The following EBF1 variants were observed in gnomAD, a reference collection of about 807,000 sequenced individuals.
The protein encoded by EBF1 is EBF transcription factor 1.
EBF1 carries 10 observed loss-of-function variants against 68.4 expected under a neutral mutation model. The observed-to-expected ratio is 0.15, with a 90% CI of 0.09 to 0.25. The LOEUF (loss-of-function observed/expected upper bound fraction) is 0.25, where lower values mean the gene tolerates loss of function less well. Among genes scored for constraint, EBF1 ranks in the 10% least tolerant of loss-of-function variants. The pLI is 1.00. For missense variants in EBF1, 509 were observed against 794.4 expected (o/e 0.64, Z 4.32); for synonymous variants, 298 against 299.8 (o/e 0.99, Z 0.06).
At chr5:158,992,059 CG>C (rs1760438225) in intron 6 of EBF1, among the ~76,000 whole-genome samples, 1 of 152,138 alleles carries the variant, frequency 6.6e-6, no homozygotes, top group South Asian at 2.1e-4. Flanking sequence ...GCTCACCACA[CG>C]GGGCTAAGAG....
intron 6 of EBF1, among the ~76,000 whole-genome samples, chr5:158,943,274 A>G (rs1813871129): frequency 6.6e-6 from 1 of 152,056 alleles, no homozygotes; most frequent in African/African-American, 2.4e-5. Context: ...TAACTTCCAG[A>G]GTCTAAAAGT....
Position 158,696,230 on chromosome 5 carries a change from A to AT in EBF1, c.*2880dup. 1 of 218,860 alleles carries AT rather than the reference A, an allele frequency of 4.6e-6. No individual in the cohort carries two copies. Among genetic ancestry groups the AT allele is most frequent in the Middle Eastern group, 1.4e-3 (1 of 704 alleles). The allele number at this position is 218,860 out of a possible 1,614,324, so 13.6% of individuals were successfully genotyped here. On this transcript the variant is annotated 3_prime_UTR_variant, in exon 16 of 16. Coordinates refer to ENST00000313708, the MANE Select transcript of EBF1 (RefSeq NM_024007.5). ...AAATCTTAATTTAATTCTTCATTTC[A>AT]TTTTCTTCTTAAAGCCATATTCTGT...
chr5:158,759,995 T>C lies in EBF1; in HGVS notation c.1036+17418A>G, dbSNP rs117794451. Among the ~76,000 whole-genome samples the C allele has an allele frequency of 9.8e-4, 149 of 152,236 alleles. 1 individual carries two copies. The East Asian group carries it at 0.02, about 21-fold the overall frequency. On this transcript the variant is annotated intron_variant, in intron 10 of 15. Transcript: ENST00000313708. The stretch of plus-strand genomic sequence containing the variant: ...TACTACTTGTAAGATCATCTTAAAG[T>C]CTGAAAAGAACCTAGAATTCTTCGG...
chr5:158,808,642 A>G (rs1325922284), intron 8 of EBF1, among the ~76,000 whole-genome samples: 1 of 152,092 alleles, frequency 6.6e-6, no homozygotes, highest in Non-Finnish European at 1.5e-5. Flanking sequence ...ACCTCATAGG[A>G]TTGTTGTAAG....
chr5:159,028,136 A>G (rs745466772), intron 6 of EBF1, among the ~76,000 whole-genome samples: 4 of 152,188 alleles, frequency 2.6e-5, no homozygotes, highest in Non-Finnish European at 4.4e-5. Flanking sequence ...TAGATGAAAG[A>G]GCATCCTCCT....
chr5:158,947,385 G>A (rs1814990394), intron 6 of EBF1, among the ~76,000 whole-genome samples: 1 of 152,188 alleles, frequency 6.6e-6, no homozygotes, highest in Non-Finnish European at 1.5e-5. Context: ...CATAGTATCT[G>A]GGCCAGATAG....
chr5:159,034,923 T>G (rs1433135839), intron 6 of EBF1, among the ~76,000 whole-genome samples: 2 of 152,144 alleles, frequency 1.3e-5, no homozygotes, highest in African/African-American at 2.4e-5. Context: ...CCCCTCATGT[T>G]GAGAAACAAA....
intron 10 of EBF1, among the ~76,000 whole-genome samples, chr5:158,748,677 C>A (rs1768115689): frequency 6.6e-6 from 1 of 152,174 alleles, no homozygotes; most frequent in Admixed American, 6.5e-5. Flanking sequence ...TCTTCACAAC[C>A]AAACGAGCGT....
intron 7 of EBF1, among the ~76,000 whole-genome samples, chr5:158,829,244 T>C (rs1582302814): frequency 6.6e-6 from 1 of 152,098 alleles, no homozygotes; most frequent in Non-Finnish European, 1.5e-5. Context: ...TGGTGTGATC[T>C]CAGCTTACTG....
At chr5:159,084,839 G>A in intron 4 of EBF1, 100 bp from the exon 5 acceptor site, 1 of 985,122 alleles carries the variant, frequency 1.0e-6, no homozygotes, top group Non-Finnish European at 1.4e-6. Flanking sequence ...ACTACTGAAG[G>A]CCAAATTAGC....
intron 6 of EBF1, among the ~76,000 whole-genome samples, chr5:159,015,277 T>G (rs1035884889): frequency 6.6e-6 from 1 of 152,224 alleles, no homozygotes; most frequent in Non-Finnish European, 1.5e-5. Context: ...TGTCAGCTAC[T>G]GCCACTAAGT....
intron 6 of EBF1, among the ~76,000 whole-genome samples, chr5:158,844,368 A>G (rs1376848566): frequency 6.6e-6 from 1 of 152,184 alleles, no homozygotes; most frequent in African/African-American, 2.4e-5. Context: ...TAGGTGCACC[A>G]GGAATTATCA....
intron 10 of EBF1, among the ~76,000 whole-genome samples, chr5:158,734,880 C>A (rs1378990477): frequency 1.3e-5 from 2 of 152,102 alleles, no homozygotes; most frequent in East Asian, 1.9e-4. Flanking sequence ...AATACCCAGT[C>A]CACACACTCT....
intron 10 of EBF1, among the ~76,000 whole-genome samples, chr5:158,762,547 T>C (rs1187145807): frequency 1.3e-5 from 2 of 152,190 alleles, no homozygotes; most frequent in Non-Finnish European, 2.9e-5. Context: ...TGTTCTGTTT[T>C]GTTTTTGGGA....
chr5:158,704,123 T>G (rs909663947), intron 15 of EBF1, among the ~76,000 whole-genome samples: 1 of 152,192 alleles, frequency 6.6e-6, no homozygotes, highest in Admixed American at 6.5e-5. Context: ...CACCTTAGCT[T>G]CAGTCTCAGT....
intron 6 of EBF1, among the ~76,000 whole-genome samples, chr5:159,004,789 A>G (rs1030725840): frequency 2.6e-5 from 4 of 152,196 alleles, no homozygotes; most frequent in African/African-American, 7.2e-5. Context: ...AGGAAGGCTA[A>G]GAGTCTTGAT....
chr5:158,892,349 TGTG>T (rs1403381471), intron 6 of EBF1, among the ~76,000 whole-genome samples: 1 of 152,040 alleles, frequency 6.6e-6, no homozygotes, highest in Non-Finnish European at 1.5e-5. Context: ...ACTAGCCGGT[TGTG>T]GTGGTGCACA....
At chr5:159,093,890 C>A (rs1562001604) in intron 4 of EBF1, among the ~76,000 whole-genome samples, 1 of 151,756 alleles carries the variant, frequency 6.6e-6, no homozygotes, top group East Asian at 1.9e-4. Context: ...AGCAGACAGG[C>A]CTTATGTACT....
chr5:159,007,375 A>G (rs1447336143), intron 6 of EBF1, among the ~76,000 whole-genome samples: 1 of 152,224 alleles, frequency 6.6e-6, no homozygotes, highest in Non-Finnish European at 1.5e-5. Flanking sequence ...TTTAAGCCAA[A>G]TCCTAAAAAC....
Sources: gnomAD v4.1 joint callset for allele counts (sites outside exome capture counted in the v4.1 genomes callset) on GRCh38, gnomAD v4.1.1 for gene constraint, MANE v1.5 for transcripts, NCBI Gene and HGNC (gene_info 2026-07-23, HGNC 2026-07-21) for gene names.